CDH23: variants seen among roughly 807,000 people sequenced by gnomAD.
The protein encoded by CDH23 is cadherin-23.
A neutral mutation model predicts 317.1 loss-of-function variants in CDH23; 189 were observed. The ratio of observed to expected loss-of-function variants is 0.60; its 90% CI spans 0.53 to 0.67. The LOEUF (loss-of-function observed/expected upper bound fraction) is 0.67. CDH23 is among the 30% of genes least tolerant of loss of function. The probability of loss-of-function intolerance (pLI) is 0.00; values close to 1 mark genes in which losing one functional copy is unlikely to be tolerated. For synonymous variants in CDH23, 1,839 were observed against 1,876.8 expected (o/e 0.98, Z 0.52); for missense variants, 4,401 against 4,592.4 (o/e 0.96, Z 1.20).
intron 9 of CDH23, among the ~76,000 whole-genome samples, chr10:71,609,719 G>A (rs907104734): frequency 2.6e-5 from 4 of 152,116 alleles, no homozygotes; most frequent in African/African-American, 9.7e-5. Context: ...TTATACATGT[G>A]CCATAAACAG....
intron 6 of CDH23, among the ~76,000 whole-genome samples, chr10:71,528,785 T>A (rs1855191194): frequency 6.6e-6 from 1 of 152,192 alleles, no homozygotes; most frequent in Non-Finnish European, 1.5e-5. Flanking sequence ...CCTGGGACTC[T>A]GAGCTGCCAG....
At chr10:71,658,599 A>T (rs891192503) in intron 14 of CDH23, among the ~76,000 whole-genome samples, 1 of 152,210 alleles carries the variant, frequency 6.6e-6, no homozygotes, top group Non-Finnish European at 1.5e-5. Context: ...TACTGCGTTC[A>T]TCCCAGGCCT....
At position 71,810,505 on chromosome 10, in the gene CDH23, G is replaced by A; in HGVS notation, c.9013G>A (p.Ala3005Thr). 1.9e-6 allele frequency: 3 copies of A among 1,614,016 alleles called. No homozygotes were observed. The highest frequency in any genetic ancestry group is 2.5e-6 in the Non-Finnish European group (3 of 1,179,870). The change falls in exon 62 of 70, where the codon GCG becomes ACG. Residue 3005 changes from alanine (A) to threonine (T), a missense_variant. Transcript: ENST00000224721. ...GGACAAGAAGGGCCGGGTGAACTTT[G>A]CGCAGACAGAACTGCTTATCCACGT... ...HVDKKGRVNF[A>T]QTELLIHVVN...
At chr10:71,653,923 G>T (rs910442477) in intron 14 of CDH23, among the ~76,000 whole-genome samples, 4 of 152,320 alleles carry the variant, frequency 2.6e-5, no homozygotes, top group Admixed American at 6.5e-5. Flanking sequence ...ACTTCAGAGA[G>T]CATTGGTATT....
chr10:71,426,198 A>T (rs955259375), intron 1 of CDH23, among the ~76,000 whole-genome samples: 13 of 152,126 alleles, frequency 8.5e-5, no homozygotes, highest in Non-Finnish European at 1.5e-4. Flanking sequence ...CCCTGAGCAA[A>T]TGGTTTTGAC....
chr10:71,691,997 C>A (rs1209465481), intron 20 of CDH23, among the ~76,000 whole-genome samples: 1 of 152,162 alleles, frequency 6.6e-6, no homozygotes, highest in Non-Finnish European at 1.5e-5. Flanking sequence ...GAGCTTCCCC[C>A]ACAGTGAGCC....
At chr10:71,772,382 C>T (rs1448397453) in intron 38 of CDH23, among the ~76,000 whole-genome samples, 1 of 152,238 alleles carries the variant, frequency 6.6e-6, no homozygotes, top group African/African-American at 2.4e-5. Flanking sequence ...CTGCATGACT[C>T]ATACTTTCCC....
Position 71,596,375 on chromosome 10 carries a change from G to A in CDH23, c.832+18383G>A, listed in dbSNP as rs1481915495. ...CCAAGAAGTGGCAGAGCCAGGATTC[G>A]AACCCAGGTCTGCATGAGTCTGAAG... On this transcript the variant is annotated intron_variant, in intron 9 of 69. Coordinates refer to ENST00000224721, the MANE Select transcript of CDH23 (RefSeq NM_022124.6). 4.6e-5 allele frequency among the ~76,000 whole-genome samples: 7 copies of A among 152,080 alleles called. No homozygotes were observed. In the East Asian group the frequency reaches 1.4e-3, roughly 29 times the overall value.
intron 12 of CDH23, 123 bp downstream of exon 12, chr10:71,643,989 G>A (rs2132589348): frequency 1.5e-6 from 1 of 685,090 alleles, no homozygotes; most frequent in South Asian, 1.6e-5. Context: ...CCCAGCTCCT[G>A]TGGTTGAGGG....
intron 28 of CDH23, chr10:71,713,506 G>A: frequency 1.8e-6 from 1 of 549,604 alleles, no homozygotes; most frequent in Non-Finnish European, 3.2e-6. Context: ...AAGCGTGGGA[G>A]GCTGGCAATG....
chr10:71,416,766 C>T (rs1413749976), intron 1 of CDH23, among the ~76,000 whole-genome samples: 1 of 152,052 alleles, frequency 6.6e-6, no homozygotes, highest in African/African-American at 2.4e-5. Context: ...CTCCTGGGCT[C>T]AAGCGATCCT....
intron 9 of CDH23, among the ~76,000 whole-genome samples, chr10:71,607,151 T>TG (rs1242625929): frequency 3.4e-4 from 51 of 152,228 alleles, no homozygotes; most frequent in African/African-American, 1.2e-3. Flanking sequence ...GATACAACTC[T>TG]ATACCAGTCA....
Position 71,570,883 on chromosome 10 carries a change from C to T in CDH23, c.718C>T (p.Pro240Ser). ...CATGGACCCCATCTTCATCAACCTGCCTTACAGCACCAACATCTACGAGCA... is the reference window on the plus strand; with the variant it reads ...CATGGACCCCATCTTCATCAACCTGTCTTACAGCACCAACATCTACGAGCA... ...QDMDPIFINL[P>S]YSTNIYEHSP... Residue 240 changes from proline (P) to serine (S), a missense_variant, in exon 8 of 70, where the codon CCT (proline) becomes TCT (serine). By Grantham distance (74) the Pro-to-Ser change is moderately conservative. Around this residue, in one of 3 missense-constraint regions of CDH23, gnomAD observed 3,068 missense variants for 3,203.3 expected, o/e 0.96. Coordinates refer to ENST00000224721, the MANE Select transcript of CDH23 (RefSeq NM_022124.6). 1.2e-6 allele frequency: 2 copies of T among 1,614,014 alleles called. No homozygotes were observed. Among genetic ancestry groups the T allele is most frequent in the Non-Finnish European group, 1.7e-6 (2 of 1,179,876 alleles).
In CDH23 at chr10:71,791,215, G is replaced by A. The variant is rs121908348; in HGVS notation, c.6133G>A (p.Asp2045Asn). ...PILELLLLAE[D>N]IGLLNSTAHL... ...CCTGGAGCTGCTGCTGCTGGCTGAGGACATCGGGCTGCTCAACAGCACGGC... is the reference window on the plus strand; with the variant it reads ...CCTGGAGCTGCTGCTGCTGGCTGAGAACATCGGGCTGCTCAACAGCACGGC... Residue 2045 changes from aspartate to asparagine, a missense_variant, in exon 47 of 70, where the codon GAC becomes AAC. Asp to Asn is a conservative substitution (Grantham distance 23, BLOSUM62 1). This residue lies in a region of CDH23 where 3,068 missense variants were observed against 3,203.3 expected (regional missense o/e 0.96). Transcript: ENST00000224721. 4.3e-6 allele frequency: 7 copies of A among 1,613,678 alleles called. No individual in the cohort carries two copies. The South Asian group carries it at 7.7e-5, about 18-fold the overall frequency.
intron 6 of CDH23, among the ~76,000 whole-genome samples, chr10:71,546,653 G>A (rs1856300696): frequency 6.6e-6 from 1 of 152,204 alleles, no homozygotes; most frequent in African/African-American, 2.4e-5. Flanking sequence ...GTCATTATTA[G>A]TGGAATGAAT....
intron 1 of CDH23, among the ~76,000 whole-genome samples, chr10:71,399,600 A>G (rs1370753021): frequency 1.3e-5 from 2 of 152,258 alleles, no homozygotes; most frequent in East Asian, 3.9e-4. Context: ...CTTTGTGTGC[A>G]GTCAAAACTG....
At chr10:71,419,527 G>A (rs1325146983) in intron 1 of CDH23, among the ~76,000 whole-genome samples, 1 of 152,058 alleles carries the variant, frequency 6.6e-6, no homozygotes, top group Non-Finnish European at 1.5e-5. Flanking sequence ...GAGGTTTGGT[G>A]GTTTTGAATT....
In CDH23 at chr10:71,502,378, G is replaced by C. The variant is rs533250051; in HGVS notation, c.146-7704G>C. On this transcript the variant is annotated intron_variant, in intron 3 of 69. Coordinates refer to ENST00000224721, the MANE Select transcript of CDH23 (RefSeq NM_022124.6). Reference sequence around the variant, plus strand: ...CTGAAGTTGAATGCAGATTCACTGGGAAAAGGTGCTGTGATTGATTAATAA... The same window carrying C: ...CTGAAGTTGAATGCAGATTCACTGGCAAAAGGTGCTGTGATTGATTAATAA... Among the ~76,000 whole-genome samples, 101 of 152,340 alleles carry C rather than the reference G, an allele frequency of 6.6e-4. 1 individual carries two copies. In the South Asian group the frequency reaches 0.015, roughly 23 times the overall value.
At chr10:71,576,113 G>A (rs941310199) in intron 8 of CDH23, among the ~76,000 whole-genome samples, 12 of 152,170 alleles carry the variant, frequency 7.9e-5, no homozygotes, top group East Asian at 7.7e-4. Flanking sequence ...AGCCCAGCAC[G>A]GGCTCTGAGG....
Sources: gnomAD v4.1 joint callset for allele counts (sites outside exome capture counted in the v4.1 genomes callset) on GRCh38, gnomAD v4.1.1 for gene constraint, gnomAD v4.1.1 regional missense constraint, MANE v1.5 for transcripts, NCBI Gene and HGNC (gene_info 2026-07-23, HGNC 2026-07-21) for gene names.